The following ACACA variants were observed in gnomAD, a reference collection of about 807,000 sequenced individuals.
The protein encoded by ACACA is acetyl-CoA carboxylase alpha.
In ACACA, 103 loss-of-function variants were observed where a neutral mutation model predicts 296.1. That is an observed-to-expected ratio of 0.35 (90% CI 0.30 to 0.41). The LOEUF (loss-of-function observed/expected upper bound fraction) is 0.41, where lower values mean the gene tolerates loss of function less well. ACACA is among the 10% of genes least tolerant of loss of function. The probability of loss-of-function intolerance (pLI) is 1.00; values close to 1 mark genes in which losing one functional copy is unlikely to be tolerated. For synonymous variants in ACACA, 953 were observed against 1,038.6 expected (o/e 0.92, Z 1.58); for missense variants, 1,554 against 2,989.7 (o/e 0.52, Z 11.20).
At chr17:37,285,106 T>A in intron 3 of ACACA, 136 bp from the exon 4 acceptor site, 6 of 975,570 alleles carry the variant, frequency 6.2e-6, no homozygotes, top group South Asian at 3.2e-5. Context: ...ACTTTTCAAA[T>A]AAAAGAGAGA....
intron 45 of ACACA, among the ~76,000 whole-genome samples, chr17:37,138,723 C>A (rs1306408236): frequency 6.6e-6 from 1 of 152,212 alleles, no homozygotes; most frequent in Non-Finnish European, 1.5e-5. Flanking sequence ...AACTAAGAGA[C>A]CTACTTTGTA....
intron 41 of ACACA, among the ~76,000 whole-genome samples, chr17:37,169,256 G>A (rs528211994): frequency 6.6e-6 from 1 of 152,252 alleles, no homozygotes; most frequent in East Asian, 1.9e-4. Flanking sequence ...CAGTGTAGAA[G>A]CACCATAGCC....
At chr17:37,272,552 A>G (rs1240671566) in intron 9 of ACACA, among the ~76,000 whole-genome samples, 3 of 152,122 alleles carry the variant, frequency 2.0e-5, no homozygotes, top group Non-Finnish European at 2.9e-5. Flanking sequence ...GCTTAAAAAA[A>G]AGAGAAAGAC....
chr17:37,184,617 A>G (rs2077454165), intron 39 of ACACA, among the ~76,000 whole-genome samples: 1 of 152,308 alleles, frequency 6.6e-6, no homozygotes, highest in East Asian at 1.9e-4. Flanking sequence ...TGGGAGGCCA[A>G]GGTGGGAGGG....
intron 54 of ACACA, among the ~76,000 whole-genome samples, chr17:37,092,956 G>C (rs111688166): frequency 2.2e-3 from 330 of 152,256 alleles, no homozygotes; most frequent in African/African-American, 7.6e-3. Context: ...GAGTACAATA[G>C]CCAAAGGACA....
At chr17:37,177,476 G>A (rs1321560207) in intron 41 of ACACA, among the ~76,000 whole-genome samples, 6 of 152,210 alleles carry the variant, frequency 3.9e-5, no homozygotes, top group Non-Finnish European at 7.4e-5. Flanking sequence ...CACAGAATGA[G>A]GGCAGAAAGA....
In ACACA at chr17:37,141,130, C is replaced by T. The variant is rs1024213827; in HGVS notation, c.5679+8734G>A. On this transcript the variant is annotated intron_variant, in intron 45 of 55. Transcript: ENST00000616317. ...CTTGAACCTGATGTGCTGGCAAGCA[C>T]GCGTCTGCTTCTGCACTGGCATAAT... 33 of 477,162 alleles carry T rather than the reference C, an allele frequency of 6.9e-5. 1 individual carries two copies. Among genetic ancestry groups the T allele is most frequent in the South Asian group, 2.8e-4 (16 of 57,676 alleles). 29.6% of individuals were successfully genotyped at this position (477,162 alleles called of 1,614,324 possible). A position where few individuals can be genotyped will look rare whatever the true frequency, so the allele number is the denominator to read the frequency against.
intron 49 of ACACA, among the ~76,000 whole-genome samples, chr17:37,121,822 A>G (rs1029417826): frequency 5.3e-5 from 8 of 152,196 alleles, no homozygotes; most frequent in Non-Finnish European, 1.2e-4. Context: ...TCAATTGTAC[A>G]TAGTCTCCCA....
At position 37,263,776 on chromosome 17, in the gene ACACA, C is replaced by G. The variant is rs1416116296; in HGVS notation, c.1238G>C (p.Arg413Pro). 6.2e-7 allele frequency: 1 copy of G among 1,614,038 alleles called. No individual in the cohort carries two copies. The highest frequency in any genetic ancestry group is 1.7e-5 in the Admixed American group (1 of 60,004). ...QYGNAISLFGRDCSVQRRHQK... is the reference protein window; with the variant it reads ...QYGNAISLFGPDCSVQRRHQK... The stretch of plus-strand genomic sequence containing the variant: ...ATGCCTGCGTTGTACAGAGCAATCA[C>G]GACCAAACAAAGAGATAGCATTGCC... Residue 413 changes from arginine (R) to proline (P), a missense_variant, in exon 11 of 56, where the codon CGT (arginine) becomes CCT (proline). Around this residue, in one of 16 missense-constraint regions of ACACA, gnomAD observed 82 missense variants for 185.2 expected, o/e 0.44. Coordinates refer to ENST00000616317, the MANE Select transcript of ACACA (RefSeq NM_198834.3).
intron 3 of ACACA, among the ~76,000 whole-genome samples, chr17:37,285,931 G>T (rs147169351): frequency 1.3e-4 from 20 of 152,060 alleles, no homozygotes; most frequent in African/African-American, 4.8e-4. Flanking sequence ...TCACTCTGTC[G>T]CCCAGGTTGG....
At position 37,276,039 on chromosome 17, in the gene ACACA, G is replaced by A. The variant is rs1401021790; in HGVS notation, c.813C>T (p.Ser271=). 6.2e-7 allele frequency: 1 copy of A among 1,614,016 alleles called. No homozygotes were observed. The highest frequency in any genetic ancestry group is 8.5e-7 in the Non-Finnish European group (1 of 1,179,972). ...TATCCCCTAAAGCCCACATGGCCTG[G>A]CTTGGAGGACCTAAAAACGAAACAG... The part of the protein sequence containing the change: ...KNGIAFMGPP[S]QAMWALGDKI... The change falls in exon 8 of 56, where the codon AGC becomes AGT. Residue 271 remains serine (S), a synonymous_variant. Coordinates refer to ENST00000616317, the MANE Select transcript of ACACA (RefSeq NM_198834.3).
At chr17:37,090,434 C>A (rs998700948) in intron 54 of ACACA, among the ~76,000 whole-genome samples, 1 of 152,078 alleles carries the variant, frequency 6.6e-6, no homozygotes, top group South Asian at 2.1e-4. Flanking sequence ...TCTTTTAGTT[C>A]TTTGTCCATT....
At chr17:37,260,277 TATA>T (rs1567899120) in intron 11 of ACACA, among the ~76,000 whole-genome samples, 2 of 31,844 alleles carry the variant, frequency 6.3e-5, no homozygotes, top group African/African-American at 1.9e-4. Flanking sequence ...TATATATATA[TATA>T]TATATATATA....
intron 3 of ACACA, among the ~76,000 whole-genome samples, chr17:37,287,117 C>T (rs923061504): frequency 2.0e-5 from 3 of 152,160 alleles, no homozygotes; most frequent in African/African-American, 2.4e-5. Context: ...GACATAAGCT[C>T]CTTTGTACAC....
rs1344713744 is a variant in ACACA at position 37,244,595 on chromosome 17, C to T, written c.2735G>A (p.Ser912Asn). ...NGYCLPDPFFSSKVKDWVERL... is the reference protein window; with the variant it reads ...NGYCLPDPFFNSKVKDWVERL... ...AGGAGACGTGATACATACCTTGCTG[C>T]TAAAGAAAGGATCTGGAAGGCAGTA... Residue 912 changes from serine to asparagine, a missense_variant, in exon 21 of 56, where the codon AGC (serine) becomes AAC (asparagine). By Grantham distance (46) the Ser-to-Asn change is conservative (BLOSUM62 1). Transcript: ENST00000616317. 6.2e-7 allele frequency: 1 copy of T among 1,614,106 alleles called. No homozygotes were observed. The highest frequency in any genetic ancestry group is 8.5e-7 in the Non-Finnish European group (1 of 1,180,000).
chr17:37,240,457 T>C lies in ACACA; in HGVS notation c.3121+19A>G. Reference sequence around the variant, plus strand: ...AATCAAGGCTTTCTTAGCTAGAGAGTCCTCAGGAAGAGGCTTACCATTCTG... The same window carrying C: ...AATCAAGGCTTTCTTAGCTAGAGAGCCCTCAGGAAGAGGCTTACCATTCTG... On this transcript the variant is annotated intron_variant, in intron 24 of 55. Transcript: ENST00000616317. 1 of 1,610,354 alleles carries C rather than the reference T, an allele frequency of 6.2e-7. No individual in the cohort carries two copies. Among genetic ancestry groups the C allele is most frequent in the Middle Eastern group, 1.6e-4 (1 of 6,062 alleles).
intron 24 of ACACA, among the ~76,000 whole-genome samples, chr17:37,238,845 AG>A (rs1416720001): frequency 2.6e-5 from 4 of 152,136 alleles, no homozygotes; most frequent in African/African-American, 9.7e-5. Flanking sequence ...TTAATTATTT[AG>A]AGACAGGGTC....
At chr17:37,377,631 T>A (rs1054957608) in intron 1 of ACACA, among the ~76,000 whole-genome samples, 8 of 151,344 alleles carry the variant, frequency 5.3e-5, no homozygotes, top group African/African-American at 1.9e-4. Flanking sequence ...CTGCACTCCA[T>A]CCTGGGCGAC....
At chr17:37,087,985 A>G (rs1340647602) in intron 55 of ACACA, among the ~76,000 whole-genome samples, 4 of 152,044 alleles carry the variant, frequency 2.6e-5, no homozygotes, top group Non-Finnish European at 4.4e-5. Context: ...GCAAGGGGGG[A>G]AAATCAGTAA....
Sources: allele counts gnomAD v4.1 joint callset (sites outside exome capture counted in the v4.1 genomes callset), GRCh38; gene constraint gnomAD v4.1.1; regional missense constraint gnomAD v4.1.1; transcripts MANE v1.5; gene names NCBI Gene and HGNC (gene_info 2026-07-23, HGNC 2026-07-21).